The following ARL15 variants were observed in gnomAD, a reference collection of about 807,000 sequenced individuals.
ARL15 encodes ARF like GTPase 15.
ARL15 carries 19 observed loss-of-function variants against 25.2 expected under a neutral mutation model. The ratio of observed to expected loss-of-function variants is 0.75; its 90% CI spans 0.53 to 1.10. ARL15 has a LOEUF of 1.10. ARL15 is among the 50% of genes least tolerant of loss of function. ARL15 has a pLI of 0.00. For synonymous variants in ARL15, 94 were observed against 86.8 expected (o/e 1.08, Z -0.46); for missense variants, 220 against 246.0 (o/e 0.89, Z 0.71).
chr5:54,120,879 A>G (rs1579819496), intron 3 of ARL15, among the ~76,000 whole-genome samples: 1 of 152,208 alleles, frequency 6.6e-6, no homozygotes, highest in Non-Finnish European at 1.5e-5. Context: ...AGATCTTTTA[A>G]TAATGCGGAA....
intron 4 of ARL15, among the ~76,000 whole-genome samples, chr5:54,036,529 C>T (rs1027014836): frequency 6.6e-5 from 10 of 152,010 alleles, no homozygotes; most frequent in East Asian, 1.9e-4. Context: ...GTATACCAAG[C>T]GTAGGACTCT....
At chr5:54,037,681 G>A (rs1328598683) in intron 4 of ARL15, among the ~76,000 whole-genome samples, 1 of 152,050 alleles carries the variant, frequency 6.6e-6, no homozygotes, top group Non-Finnish European at 1.5e-5. Flanking sequence ...GATGATTACG[G>A]TATTTAATAA....
chr5:54,070,809 C>T (rs557338792), intron 4 of ARL15, among the ~76,000 whole-genome samples: 3 of 151,850 alleles, frequency 2.0e-5, no homozygotes, highest in African/African-American at 7.3e-5. Context: ...CACAGAGCCA[C>T]TGCAATCTAG....
At chr5:54,210,443 C>T (rs953435346) in intron 1 of ARL15, among the ~76,000 whole-genome samples, 10 of 152,112 alleles carry the variant, frequency 6.6e-5, no homozygotes, top group East Asian at 3.8e-4. Flanking sequence ...TCACTCATTA[C>T]GTTATTTCAA....
At chr5:54,043,230 T>C (rs1750401951) in intron 4 of ARL15, among the ~76,000 whole-genome samples, 1 of 152,080 alleles carries the variant, frequency 6.6e-6, no homozygotes, top group Non-Finnish European at 1.5e-5. Context: ...ACTTTATACA[T>C]TAAAAATAGT....
intron 1 of ARL15, among the ~76,000 whole-genome samples, chr5:54,232,505 C>T (rs1047743213): frequency 1.3e-5 from 2 of 152,100 alleles, no homozygotes; most frequent in African/African-American, 2.4e-5. Flanking sequence ...GGCCTCAAGA[C>T]CCTAAGTTCA....
intron 1 of ARL15, among the ~76,000 whole-genome samples, chr5:54,221,781 T>C (rs998540793): frequency 2.7e-5 from 4 of 150,158 alleles, no homozygotes; most frequent in African/African-American, 7.4e-5. Context: ...AAAAAAGTCA[T>C]GGGGGCCAGA....
chr5:53,919,664 T>TGCC (rs144126024), intron 4 of ARL15, among the ~76,000 whole-genome samples: 1 of 151,918 alleles, frequency 6.6e-6, no homozygotes, highest in Admixed American at 6.6e-5. Flanking sequence ...CCATGGTCTA[T>TGCC]TTCTACTGAA....
At chr5:54,211,453 G>A (rs888959622) in intron 1 of ARL15, among the ~76,000 whole-genome samples, 1 of 147,756 alleles carries the variant, frequency 6.8e-6, no homozygotes, top group African/African-American at 2.5e-5. Context: ...TTTAGGCAGC[G>A]CTTAAATGAA....
At chr5:53,945,605 C>A in intron 4 of ARL15, among the ~76,000 whole-genome samples, 1 of 152,106 alleles carries the variant, frequency 6.6e-6, no homozygotes, top group East Asian at 1.9e-4. Context: ...TTTACAATTG[C>A]AAACACCATA....
At chr5:54,156,387 A>C (rs1177526719) in intron 2 of ARL15, among the ~76,000 whole-genome samples, 3 of 152,236 alleles carry the variant, frequency 2.0e-5, no homozygotes, top group African/African-American at 7.2e-5. Context: ...GGTTGTTATA[A>C]GGATAAGATA....
chr5:54,181,906 T>C (rs1755069464), intron 1 of ARL15, among the ~76,000 whole-genome samples: 1 of 143,792 alleles, frequency 7.0e-6, no homozygotes, highest in Non-Finnish European at 1.5e-5. Context: ...CCAGTGATGA[T>C]GAGCATTTTT....
At chr5:54,198,079 T>A (rs536089337) in intron 1 of ARL15, among the ~76,000 whole-genome samples, 55 of 152,252 alleles carry the variant, frequency 3.6e-4, no homozygotes, top group African/African-American at 1.3e-3. Flanking sequence ...GAAAAGGCCT[T>A]TGACAAAATT....
intron 1 of ARL15, among the ~76,000 whole-genome samples, chr5:54,306,518 G>C (rs946508977): frequency 6.6e-6 from 1 of 151,248 alleles, no homozygotes; most frequent in Non-Finnish European, 1.5e-5. Flanking sequence ...AGCCTCCCAA[G>C]TAGCTGAGAT....
intron 1 of ARL15, among the ~76,000 whole-genome samples, chr5:54,305,014 G>C (rs1477652074): frequency 6.6e-6 from 1 of 152,044 alleles, no homozygotes; most frequent in African/African-American, 2.4e-5. Flanking sequence ...TGGTTAGTTA[G>C]CTGGTTTTTA....
intron 1 of ARL15, among the ~76,000 whole-genome samples, chr5:54,172,133 G>A (rs1754739450): frequency 6.6e-6 from 1 of 152,156 alleles, no homozygotes; most frequent in Non-Finnish European, 1.5e-5. Context: ...GTTATGAAAT[G>A]TTTTTCTACT....
intron 3 of ARL15, among the ~76,000 whole-genome samples, chr5:54,142,864 G>A (rs1319549157): frequency 1.3e-5 from 2 of 152,102 alleles, no homozygotes; most frequent in African/African-American, 4.8e-5. Context: ...TGTCTTATAT[G>A]TTTTCTACTA....
chr5:54,278,172 G>A (rs13176320), intron 1 of ARL15, among the ~76,000 whole-genome samples: 1 of 151,616 alleles, frequency 6.6e-6, no homozygotes, highest in Non-Finnish European at 1.5e-5. Flanking sequence ...AGTTCCCAAC[G>A]CAGGGAAGTC....
intron 4 of ARL15, 97 bp from the exon 5 acceptor site, chr5:53,886,810 G>T: frequency 8.5e-7 from 1 of 1,180,880 alleles, no homozygotes; most frequent in Non-Finnish European, 1.2e-6. Flanking sequence ...ATTTCGAGGC[G>T]GAATTTATAC....
Sources: allele counts gnomAD v4.1 joint callset (sites outside exome capture counted in the v4.1 genomes callset), GRCh38; gene constraint gnomAD v4.1.1; transcripts MANE v1.5; gene names NCBI Gene and HGNC (gene_info 2026-07-23, HGNC 2026-07-21).